Variants in ZNF84 observed in about 807,000 individuals in gnomAD.
ZNF84 encodes the protein zinc finger protein 84.
ZNF84 carries 12 observed loss-of-function variants against 14.8 expected under a neutral mutation model. The ratio of observed to expected loss-of-function variants is 0.81; its 90% CI spans 0.52 to 1.31. The LOEUF (loss-of-function observed/expected upper bound fraction) is 1.31. Among genes scored for constraint, ZNF84 ranks in the 50% most tolerant of loss-of-function variants. The pLI, the probability that ZNF84 is intolerant of heterozygous loss-of-function variation, is 0.00. For synonymous variants in ZNF84, 347 were observed against 291.1 expected (o/e 1.19, Z -1.96); for missense variants, 859 against 878.6 (o/e 0.98, Z 0.28).
intron 1 of ZNF84, chr12:133,039,047 T>C (rs1174377958): frequency 6.6e-6 from 1 of 152,212 alleles, no homozygotes; most frequent in Non-Finnish European, 1.5e-5. Flanking sequence ...ATTTAGCTTG[T>C]GTATGTTTTT....
At chr12:133,054,288 T>C (rs1954114816) in intron 4 of ZNF84, among the ~76,000 whole-genome samples, 1 of 152,130 alleles carries the variant, frequency 6.6e-6, no homozygotes, top group Non-Finnish European at 1.5e-5. Flanking sequence ...GGGAGGCTTA[T>C]GTAGGAGGAT....
chr12:133,052,441 A>ACCT (rs1954087195), intron 4 of ZNF84, among the ~76,000 whole-genome samples: 5 of 152,174 alleles, frequency 3.3e-5, no homozygotes, highest in African/African-American at 1.2e-4. Context: ...TCCTGGGCTC[A>ACCT]AGTGATCCCC....
In ZNF84 at chr12:133,058,800, GTC is replaced by G; in HGVS notation, c.2086_2087del (p.Ser696ThrfsTer4). The G allele has an allele frequency of 6.2e-7, 1 of 1,614,030 alleles. No individual in the cohort carries two copies. The highest frequency in any genetic ancestry group is 8.5e-7 in the Non-Finnish European group (1 of 1,179,994). On this transcript the variant is annotated frameshift_variant, in exon 5 of 5. Coordinates refer to ENST00000539354, the MANE Select transcript of ZNF84 (RefSeq NM_001289971.2). LOFTEE classifies it low-confidence loss of function (END_TRUNC). The part of the protein sequence containing the change: ...SECRKAFSQK[S>X]QLVNHQRIHT... The stretch of plus-strand genomic sequence containing the variant: ...AATGTAGGAAGGCCTTCTCTCAGAA[GTC>G]ACAGCTGGTTAATCATCAGAGAATT...
Position 133,062,877 on chromosome 12 carries a change from T to G in ZNF84, c.*3945T>G, listed in dbSNP as rs1398312855. ...TTGAGATTTCTATTATCACTTATGT[T>G]TTTGCAAATCTGCAATTGAAATGCC... On this transcript the variant is annotated 3_prime_UTR_variant, in exon 5 of 5. Coordinates refer to ENST00000539354, the MANE Select transcript of ZNF84 (RefSeq NM_001289971.2). 1.9e-6 allele frequency: 1 copy of G among 533,030 alleles called. No individual in the cohort carries two copies. Among genetic ancestry groups the G allele is most frequent in the African/African-American group, 1.9e-5 (1 of 53,170 alleles). 33.0% of individuals were successfully genotyped at this position (533,030 alleles called of 1,614,324 possible). A position where few individuals can be genotyped will look rare whatever the true frequency, so the allele number is the denominator to read the frequency against.
chr12:133,048,978 G>A, intron 4 of ZNF84, 130 bp downstream of exon 4: 2 of 640,350 alleles, frequency 3.1e-6, no homozygotes, highest in Non-Finnish European at 5.4e-6. Context: ...CGGGTGGGCT[G>A]GTCATTGATG....
chr12:133,042,033 T>C (rs1185140910), intron 2 of ZNF84, among the ~76,000 whole-genome samples: 2 of 152,204 alleles, frequency 1.3e-5, no homozygotes, highest in African/African-American at 4.8e-5. Context: ...CTGAGTAGCA[T>C]GATGAACTCT....
In ZNF84 at chr12:133,056,957, T is replaced by C; in HGVS notation, c.242T>C (p.Val81Ala). ...ATTGTTTTTGTTTCCTTTATAGAAG[T>C]CTGGAAAGTAGATGGTAACATGATG... ...GEIPSSDSPEVWKVDGNMMWH... is the reference protein window; with the variant it reads ...GEIPSSDSPEAWKVDGNMMWH... The change falls in exon 5 of 5, where the codon GTC (valine) becomes GCC (alanine). Residue 81 changes from valine to alanine, a missense_variant. Coordinates refer to ENST00000539354, the MANE Select transcript of ZNF84 (RefSeq NM_001289971.2). 6.4e-7 allele frequency: 1 copy of C among 1,564,946 alleles called. No homozygotes were observed. Among genetic ancestry groups the C allele is most frequent in the Non-Finnish European group, 8.6e-7 (1 of 1,162,752 alleles).
At chr12:133,049,767 C>T (rs960347237) in intron 4 of ZNF84, among the ~76,000 whole-genome samples, 17 of 152,286 alleles carry the variant, frequency 1.1e-4, no homozygotes, top group African/African-American at 3.1e-4. Context: ...GTGTGAACCA[C>T]TGCATATGGC....
chr12:133,057,774 G>A lies in ZNF84; in HGVS notation c.1059G>A (p.Gly353=). The A allele has an allele frequency of 6.2e-7, 1 of 1,614,074 alleles. No homozygotes were observed. Among genetic ancestry groups the A allele is most frequent in the Non-Finnish European group, 8.5e-7 (1 of 1,180,026 alleles). ...AGCCTTTTGAATGCAGGGAATGTGG[G>A]AAAGCCTTCAGCAGGAAGTCACAAC... ...GEKPFECREC[G]KAFSRKSQLV... is the part of the protein sequence containing the mutation. Residue 353 remains glycine, a synonymous_variant, in exon 5 of 5, where the codon GGG becomes GGA. Coordinates refer to ENST00000539354, the MANE Select transcript of ZNF84 (RefSeq NM_001289971.2).
At chr12:133,045,287 A>G (rs1327412090) in intron 2 of ZNF84, among the ~76,000 whole-genome samples, 3 of 152,160 alleles carry the variant, frequency 2.0e-5, no homozygotes, top group Admixed American at 6.5e-5. Context: ...CCTGGCCAAC[A>G]TGGTGAAACC....
In ZNF84 at chr12:133,043,844, C is replaced by T. The variant is rs1202725086; in HGVS notation, c.15+2362C>T. Reference sequence around the variant, plus strand: ...TGTTGGCTCACTGCAACCTCTGCCTCCCGGGTTCGAGCAGTTCTCCTGCCT... The same window carrying T: ...TGTTGGCTCACTGCAACCTCTGCCTTCCGGGTTCGAGCAGTTCTCCTGCCT... On this transcript the variant is annotated intron_variant, in intron 2 of 4. Transcript: ENST00000539354. Among the ~76,000 whole-genome samples, 133 of 151,982 alleles carry T rather than the reference C, an allele frequency of 8.8e-4. 4 individuals carry two copies. The South Asian group carries it at 0.027, about 31-fold the overall frequency.
At chr12:133,049,054 CTA>C (rs1480243271) in intron 4 of ZNF84, among the ~76,000 whole-genome samples, 9 of 152,314 alleles carry the variant, frequency 5.9e-5, no homozygotes, top group African/African-American at 2.2e-4. Context: ...TTCAAAATCT[CTA>C]AACCTTTGGT....
rs1954192752 is a variant in ZNF84 at position 133,058,032 on chromosome 12, C to G, written c.1317C>G (p.Ala439=). 1 of 1,613,774 alleles carries G rather than the reference C, an allele frequency of 6.2e-7. No individual in the cohort carries two copies. The highest frequency in any genetic ancestry group is 1.3e-5 in the African/African-American group (1 of 74,836). Residue 439 remains alanine, a synonymous_variant, in exon 5 of 5, where the codon GCC becomes GCG. Transcript: ENST00000539354. The stretch of plus-strand genomic sequence containing the variant: ...ATGGATGCATTCAGTGTGGGAAGGC[C>G]TTCTCCCAGAAGTCACATCTCATAT... ...KPHGCIQCGK[A]FSQKSHLISH... is the part of the protein sequence containing the mutation.
intron 4 of ZNF84, among the ~76,000 whole-genome samples, chr12:133,053,119 G>C (rs1031897169): frequency 3.9e-5 from 6 of 152,178 alleles, no homozygotes; most frequent in Non-Finnish European, 7.3e-5. Flanking sequence ...AATGTAATTG[G>C]AAGCAGGGAA....
Position 133,057,957 on chromosome 12 carries a change from G to A in ZNF84, c.1242G>A (p.Glu414=). ...ECSECRKAFR[E]RSSLINHQRT... ...GCGAGTGTAGGAAAGCATTTAGAGA[G>A]AGGTCGAGTCTCATTAATCATCAGA... Residue 414 remains glutamate (E), a synonymous_variant, in exon 5 of 5, where the codon GAG becomes GAA. Transcript: ENST00000539354. The A allele has an allele frequency of 6.2e-7, 1 of 1,613,852 alleles. No homozygotes were observed. Among genetic ancestry groups the A allele is most frequent in the East Asian group, 2.2e-5 (1 of 44,830 alleles).
chr12:133,047,885 G>T, intron 2 of ZNF84, 70 bp from the exon 3 acceptor site: 1 of 1,562,124 alleles, frequency 6.4e-7, no homozygotes, highest in Non-Finnish European at 8.8e-7. Context: ...AAGTGCTAAA[G>T]CTCCAATATT....
chr12:133,048,218 G>A, intron 3 of ZNF84, 137 bp downstream of exon 3: 2 of 774,940 alleles, frequency 2.6e-6, no homozygotes, highest in East Asian at 2.7e-5. Context: ...TTAGATCACA[G>A]TTGCTTGGAC....
chr12:133,051,290 T>G (rs1954064986), intron 4 of ZNF84, among the ~76,000 whole-genome samples: 1 of 152,104 alleles, frequency 6.6e-6, no homozygotes, highest in Admixed American at 6.5e-5. Flanking sequence ...GTTAAGAAGA[T>G]GAGATATTTG....
At chr12:133,050,610 C>A in intron 4 of ZNF84, 1 of 398,514 alleles carries the variant, frequency 2.5e-6, no homozygotes, top group South Asian at 1.3e-4. Flanking sequence ...AAACATTTCT[C>A]AAGTGTTTTT....
Sources: allele counts gnomAD v4.1 joint callset (sites outside exome capture counted in the v4.1 genomes callset), GRCh38; gene constraint gnomAD v4.1.1; transcripts MANE v1.5; gene names NCBI Gene and HGNC (gene_info 2026-07-23, HGNC 2026-07-21).